Variants in GREM2 observed in about 807,000 individuals in gnomAD.
GREM2 encodes gremlin 2, DAN family BMP antagonist, also known as gremlin-2.
In GREM2, 11 loss-of-function variants were observed where a neutral mutation model predicts 14.2. The observed-to-expected ratio is 0.78, with a 90% CI of 0.49 to 1.28. The LOEUF (loss-of-function observed/expected upper bound fraction) is 1.28. Among genes scored for constraint, GREM2 ranks in the 50% most tolerant of loss-of-function variants. The probability of loss-of-function intolerance (pLI) is 0.00; values close to 1 mark genes in which losing one functional copy is unlikely to be tolerated. For synonymous variants in GREM2, 98 were observed against 97.6 expected (o/e 1.00, Z -0.02); for missense variants, 210 against 218.5 (o/e 0.96, Z 0.24).
rs1677568859 is a variant in GREM2 at position 240,501,544 on chromosome 1, G to A, written c.-1-8068C>T. Among the ~76,000 whole-genome samples the A allele has an allele frequency of 3.9e-5, 6 of 152,216 alleles. 1 individual carries two copies. Among genetic ancestry groups the A allele is most frequent in the Admixed American group, 3.9e-4 (6 of 15,286 alleles). On this transcript the variant is annotated intron_variant, in intron 1 of 1. Transcript: ENST00000318160. ...TGAAGAAATTGTTGGGATAAATTCA[G>A]GATAGGAAATGGAATGCTGAAGCAA...
intron 1 of GREM2, among the ~76,000 whole-genome samples, chr1:240,513,187 C>G (rs1363196573): frequency 6.6e-6 from 1 of 152,032 alleles, no homozygotes; most frequent in Non-Finnish European, 1.5e-5. Context: ...AACGTGAGAC[C>G]TGAATAACAA....
chr1:240,502,335 T>C (rs1421352474), intron 1 of GREM2, among the ~76,000 whole-genome samples: 1 of 152,204 alleles, frequency 6.6e-6, no homozygotes, highest in Non-Finnish European at 1.5e-5. Flanking sequence ...AAACTATCAC[T>C]GTAACCCCTT....
intron 1 of GREM2, among the ~76,000 whole-genome samples, chr1:240,547,227 A>G (rs1368279606): frequency 6.6e-6 from 1 of 152,084 alleles, no homozygotes; most frequent in Non-Finnish European, 1.5e-5. Context: ...GAGGCCAGGC[A>G]CGGTGCCTCA....
intron 1 of GREM2, among the ~76,000 whole-genome samples, chr1:240,510,356 C>G (rs185656325): frequency 1.9e-5 from 2 of 106,070 alleles, no homozygotes; most frequent in East Asian, 3.2e-4. Flanking sequence ...GGCGACAGAG[C>G]GAGACTCCGT....
At chr1:240,591,728 G>C (rs1047366843) in intron 1 of GREM2, among the ~76,000 whole-genome samples, 1 of 152,190 alleles carries the variant, frequency 6.6e-6, no homozygotes, top group East Asian at 1.9e-4. Context: ...TTGCTGAAAA[G>C]TGAGGGAGTT....
chr1:240,537,481 A>G (rs1329136704), intron 1 of GREM2, among the ~76,000 whole-genome samples: 1 of 152,108 alleles, frequency 6.6e-6, no homozygotes, highest in Non-Finnish European at 1.5e-5. Context: ...AAAGGAGTTG[A>G]TGCCTAAAGA....
chr1:240,569,326 T>G (rs1679219234), intron 1 of GREM2, among the ~76,000 whole-genome samples: 1 of 152,266 alleles, frequency 6.6e-6, no homozygotes, highest in South Asian at 2.1e-4. Flanking sequence ...TTCCAGCAGT[T>G]TTTTGGAGAT....
intron 1 of GREM2, among the ~76,000 whole-genome samples, chr1:240,528,270 T>C (rs1296466536): frequency 6.6e-6 from 1 of 152,202 alleles, no homozygotes; most frequent in Non-Finnish European, 1.5e-5. Context: ...CTTATGGGAC[T>C]TTGACTTTTC....
intron 1 of GREM2, among the ~76,000 whole-genome samples, chr1:240,501,042 A>G (rs1309598935): frequency 2.6e-5 from 4 of 152,198 alleles, no homozygotes; most frequent in Non-Finnish European, 5.9e-5. Flanking sequence ...CCTTTTGCCT[A>G]TCTGAAACAT....
intron 1 of GREM2, among the ~76,000 whole-genome samples, chr1:240,507,576 G>T (rs12142177): frequency 7.2e-5 from 11 of 151,750 alleles, no homozygotes; most frequent in Non-Finnish European, 1.5e-4. Flanking sequence ...CAAGTGATAC[G>T]CCCACCTTGG....
At chr1:240,545,837 G>A (rs2103331433) in intron 1 of GREM2, among the ~76,000 whole-genome samples, 1 of 152,282 alleles carries the variant, frequency 6.6e-6, no homozygotes, top group East Asian at 1.9e-4. Context: ...TTTGTCTTCG[G>A]ATTCTATATC....
intron 1 of GREM2, among the ~76,000 whole-genome samples, chr1:240,581,172 T>C (rs890896923): frequency 6.7e-6 from 1 of 148,520 alleles, no homozygotes; most frequent in Non-Finnish European, 1.5e-5. Context: ...ATCGCTCAAA[T>C]GGGTGAGGTG....
In GREM2 at chr1:240,584,494, CAA is replaced by C. The variant is rs35785335; in HGVS notation, c.-2+27388_-2+27389del. Reference sequence around the variant, plus strand: ...TGGGTGACAGAGCGAGACTCCATCTCAAAAAAAAAAAAAAAAAAGAAGAATGA... The same window carrying C: ...TGGGTGACAGAGCGAGACTCCATCTCAAAAAAAAAAAAAAAAGAAGAATGA... On this transcript the variant is annotated intron_variant, in intron 1 of 1. Transcript: ENST00000318160. 6.4e-3 allele frequency among the ~76,000 whole-genome samples: 469 copies of C among 73,788 alleles called. 1 individual carries two copies. The highest frequency in any genetic ancestry group is 0.034 in the Middle Eastern group (4 of 118). The allele number at this position is 73,788 out of a possible 152,430, so 48.4% of individuals were successfully genotyped here. A position where few individuals can be genotyped will look rare whatever the true frequency, so the allele number is the denominator to read the frequency against.
chr1:240,503,771 G>C (rs1483309522), intron 1 of GREM2, among the ~76,000 whole-genome samples: 15 of 152,104 alleles, frequency 9.9e-5, no homozygotes, highest in Admixed American at 9.8e-4. Context: ...AACCATACAT[G>C]TTTCCTGTGC....
intron 1 of GREM2, among the ~76,000 whole-genome samples, chr1:240,531,332 C>T (rs931741852): frequency 7.2e-5 from 11 of 152,156 alleles, no homozygotes; most frequent in African/African-American, 2.2e-4. Flanking sequence ...ATTATTACAA[C>T]TTTAAATTTT....
chr1:240,581,763 G>A (rs1679489982), intron 1 of GREM2, among the ~76,000 whole-genome samples: 1 of 152,138 alleles, frequency 6.6e-6, no homozygotes, highest in African/African-American at 2.4e-5. Context: ...TTCTGAATAT[G>A]AGTTCTAAAA....
intron 1 of GREM2, among the ~76,000 whole-genome samples, chr1:240,517,254 C>T (rs1677975637): frequency 6.6e-6 from 1 of 152,208 alleles, no homozygotes; most frequent in Admixed American, 6.5e-5. Flanking sequence ...CCTCCCTTTA[C>T]CTATCGATAG....
At chr1:240,590,990 C>CA (rs1290769132) in intron 1 of GREM2, among the ~76,000 whole-genome samples, 1 of 151,306 alleles carries the variant, frequency 6.6e-6, no homozygotes, top group Non-Finnish European at 1.5e-5. Context: ...CCAGGTTGGC[C>CA]AGGCTGGTCT....
chr1:240,544,916 C>T (rs1295909133), intron 1 of GREM2, among the ~76,000 whole-genome samples: 1 of 152,218 alleles, frequency 6.6e-6, no homozygotes, highest in Non-Finnish European at 1.5e-5. Flanking sequence ...AAGTTTCCTA[C>T]ACCAATTCAT....
Sources: gnomAD v4.1 joint callset for allele counts (sites outside exome capture counted in the v4.1 genomes callset) on GRCh38, gnomAD v4.1.1 for gene constraint, MANE v1.5 for transcripts, NCBI Gene and HGNC (gene_info 2026-07-23, HGNC 2026-07-21) for gene names.